Variants in ADAMTS20 observed in about 807,000 individuals in gnomAD.
ADAMTS20 encodes the protein A disintegrin and metalloproteinase with thrombospondin motifs 20.
ADAMTS20 carries 225 observed loss-of-function variants against 260.1 expected under a neutral mutation model. The observed-to-expected ratio is 0.87, with a 90% CI of 0.78 to 0.97. The LOEUF (loss-of-function observed/expected upper bound fraction) is 0.97. Among genes scored for constraint, ADAMTS20 ranks in the 50% least tolerant of loss-of-function variants. The pLI, the probability that ADAMTS20 is intolerant of heterozygous loss-of-function variation, is 0.00. For synonymous variants in ADAMTS20, 802 were observed against 769.5 expected (o/e 1.04, Z -0.70); for missense variants, 2,400 against 2,337.7 (o/e 1.03, Z -0.55).
At chr12:43,527,862 A>C (rs1943164503) in intron 3 of ADAMTS20, among the ~76,000 whole-genome samples, 2 of 152,286 alleles carry the variant, frequency 1.3e-5, no homozygotes, top group East Asian at 1.9e-4. Context: ...AGAAAGAAAT[A>C]AAGGGCATCC....
chr12:43,469,336 C>G (rs1359470663), intron 7 of ADAMTS20, among the ~76,000 whole-genome samples: 5 of 151,962 alleles, frequency 3.3e-5, no homozygotes, highest in Non-Finnish European at 7.4e-5. Context: ...ATATTTAGTT[C>G]TATGTAAAGA....
At chr12:43,539,886 A>AT (rs11437185) in intron 2 of ADAMTS20, among the ~76,000 whole-genome samples, 49,018 of 146,420 alleles carry the variant, frequency 0.33, 8,081 homozygotes, top group South Asian at 0.43. Flanking sequence ...TTAACCATAG[A>AT]TTTTTTTTTT....
chr12:43,490,579 G>C (rs1038105924), intron 6 of ADAMTS20, 144 bp from the exon 7 acceptor site: 2 of 458,320 alleles, frequency 4.4e-6, no homozygotes, highest in African/African-American at 2.1e-5. Flanking sequence ...CTCTCAAAAA[G>C]TCTAAACCTA....
intron 29 of ADAMTS20, among the ~76,000 whole-genome samples, chr12:43,384,701 C>A (rs541796678): frequency 6.6e-6 from 1 of 152,048 alleles, no homozygotes; most frequent in Non-Finnish European, 1.5e-5. Flanking sequence ...TGAGAACATG[C>A]GGTGTTTGGT....
chr12:43,430,278 A>C, intron 23 of ADAMTS20, 74 bp downstream of exon 23: 3 of 1,472,602 alleles, frequency 2.0e-6, no homozygotes, highest in Non-Finnish European at 2.7e-6. Context: ...AAATAAGTAA[A>C]GAAATAATTT....
intron 28 of ADAMTS20, among the ~76,000 whole-genome samples, chr12:43,402,165 T>C (rs1162092408): frequency 3.3e-5 from 5 of 152,034 alleles, no homozygotes; most frequent in African/African-American, 9.7e-5. Flanking sequence ...CAAGTCCTTT[T>C]AGATCACCCA....
chr12:43,550,647 G>A (rs556852975), intron 2 of ADAMTS20, among the ~76,000 whole-genome samples: 1 of 152,274 alleles, frequency 6.6e-6, no homozygotes, highest in Non-Finnish European at 1.5e-5. Context: ...GCCACTCCCT[G>A]ATCACCACTC....
At chr12:43,352,971 C>T (rs2137171651), downstream of ADAMTS20, among the ~76,000 whole-genome samples, 1 of 152,078 alleles carries the variant, frequency 6.6e-6, no homozygotes, top group South Asian at 2.1e-4. Flanking sequence ...TTATATGGTA[C>T]AATACATCTG....
chr12:43,503,932 T>A (rs1393655034), intron 3 of ADAMTS20, among the ~76,000 whole-genome samples: 1 of 152,226 alleles, frequency 6.6e-6, no homozygotes, highest in Non-Finnish European at 1.5e-5. Flanking sequence ...ATAGTATATA[T>A]GTACCACCAT....
intron 2 of ADAMTS20, among the ~76,000 whole-genome samples, chr12:43,548,466 G>A (rs770347722): frequency 6.6e-6 from 1 of 152,134 alleles, no homozygotes; most frequent in African/African-American, 2.4e-5. Context: ...AAAGACTAAA[G>A]GCTGATCTGA....
chr12:43,445,308 T>C (rs1055304668), intron 15 of ADAMTS20, among the ~76,000 whole-genome samples: 9 of 152,096 alleles, frequency 5.9e-5, no homozygotes, highest in South Asian at 2.1e-4. Context: ...AAATACAGAC[T>C]GTAATAAGTA....
chr12:43,485,641 C>T (rs555846850), intron 7 of ADAMTS20, among the ~76,000 whole-genome samples: 2 of 152,248 alleles, frequency 1.3e-5, no homozygotes, highest in South Asian at 4.1e-4. Flanking sequence ...TCTCTGTTCA[C>T]TGATTATATG....
intron 31 of ADAMTS20, among the ~76,000 whole-genome samples, chr12:43,383,133 C>A (rs1940390900): frequency 6.6e-6 from 1 of 152,036 alleles, no homozygotes; most frequent in Non-Finnish European, 1.5e-5. Context: ...TAAAGCAGCA[C>A]AAGGAAACTT....
Position 43,471,842 on chromosome 12 carries a change from C to T in ADAMTS20, c.1118-3137G>A, listed in dbSNP as rs1180607625. On this transcript the variant is annotated intron_variant, in intron 7 of 38. Coordinates refer to ENST00000389420, the MANE Select transcript of ADAMTS20 (RefSeq NM_025003.5). ...ACACCGAAAACCCATCTGTACATCA[C>T]CATCATCAAAGACCAAAAGTAGATA... Among the ~76,000 whole-genome samples the T allele has an allele frequency of 2.2e-5, 3 of 133,608 alleles. No individual in the cohort carries two copies. In the South Asian group the frequency reaches 8.4e-4, roughly 37 times the overall value. The allele number at this position is 133,608 out of a possible 152,430, so 87.7% of individuals were successfully genotyped here. A position where few individuals can be genotyped will look rare whatever the true frequency, so the allele number is the denominator to read the frequency against.
chr12:43,551,777 A>T lies in ADAMTS20; in HGVS notation c.91+54T>A. On this transcript the variant is annotated intron_variant, in intron 1 of 38. Coordinates refer to ENST00000389420, the MANE Select transcript of ADAMTS20 (RefSeq NM_025003.5). The surrounding 1 kb of genome is among the most constrained non-coding windows in gnomAD (Gnocchi z 4.6). ...CTCGTCCCCGCGACCTGCATGTCCC[A>T]CTCGGGCCCCGCGCCCCCACTTAGC... The T allele has an allele frequency of 6.4e-7, 1 of 1,573,610 alleles. No individual in the cohort carries two copies. Among genetic ancestry groups the T allele is most frequent in the Non-Finnish European group, 8.7e-7 (1 of 1,147,380 alleles).
rs577868640 is a variant in ADAMTS20, at chr12:43,511,183, A to G, written c.614-8778T>C. 4.1e-4 allele frequency among the ~76,000 whole-genome samples: 63 copies of G among 152,218 alleles called. 1 individual carries two copies. The South Asian group carries it at 0.012, about 29-fold the overall frequency. On this transcript the variant is annotated intron_variant, in intron 3 of 38. Coordinates refer to ENST00000389420, the MANE Select transcript of ADAMTS20 (RefSeq NM_025003.5). ...CTCACCTCAGAACATTATTAGAATA[A>G]TGAATACAAAATTAGACACGGAGTC...
rs781138100 is a variant in ADAMTS20, at chr12:43,432,665, G to A, written c.2867C>T (p.Pro956Leu). 6 of 1,613,854 alleles carry A rather than the reference G, an allele frequency of 3.7e-6. No homozygotes were observed. In the Admixed American group the frequency reaches 8.3e-5, roughly 22 times the overall value. ...DHYCGDQLKP[P>L]TQELCHGNCV... Reference sequence around the variant, plus strand: ...GTTACCATGGCATAGTTCTTGGGTAGGAGGTTTAAGCTGGTCACCACAGTA... The same window carrying A: ...GTTACCATGGCATAGTTCTTGGGTAAGAGGTTTAAGCTGGTCACCACAGTA... Residue 956 changes from proline to leucine, a missense_variant, in exon 20 of 39, where the codon CCT becomes CTT. Pro to Leu is a moderately conservative substitution (Grantham distance 98, BLOSUM62 -3). Transcript: ENST00000389420.
chr12:43,371,752 T>C (rs899240969), intron 36 of ADAMTS20, among the ~76,000 whole-genome samples: 4 of 152,082 alleles, frequency 2.6e-5, no homozygotes, highest in Non-Finnish European at 5.9e-5. Flanking sequence ...ATCATGGGGC[T>C]CAGGGCAGCA....
At chr12:43,469,329 T>C (rs937042955) in intron 7 of ADAMTS20, among the ~76,000 whole-genome samples, 1 of 152,124 alleles carries the variant, frequency 6.6e-6, no homozygotes, top group Non-Finnish European at 1.5e-5. Context: ...TCAGGATATA[T>C]TTAGTTCTAT....
Sources: allele counts gnomAD v4.1 joint callset (sites outside exome capture counted in the v4.1 genomes callset), GRCh38; gene constraint gnomAD v4.1.1; non-coding constraint Gnocchi (gnomAD v3.1); transcripts MANE v1.5; gene names NCBI Gene and HGNC (gene_info 2026-07-23, HGNC 2026-07-21).